RAI14: variants seen among roughly 807,000 people sequenced by gnomAD.
The protein encoded by RAI14 is retinoic acid induced 14.
RAI14 carries 45 observed loss-of-function variants against 115.4 expected under a neutral mutation model. The observed-to-expected ratio is 0.39, with a 90% CI of 0.31 to 0.50. RAI14 has a LOEUF of 0.50. Ranked by LOEUF, RAI14 falls within the 20% of genes least tolerant of loss-of-function variation. The pLI, the probability that RAI14 is intolerant of heterozygous loss-of-function variation, is 0.85. For missense variants in RAI14, 939 were observed against 1,131.2 expected (o/e 0.83, Z 2.44); for synonymous variants, 371 against 415.4 (o/e 0.89, Z 1.30).
At chr5:34,660,834 A>G (rs533466376) in intron 1 of RAI14, among the ~76,000 whole-genome samples, 90 of 148,856 alleles carry the variant, frequency 6.0e-4, no homozygotes, top group Non-Finnish European at 1.0e-3. Context: ...TGCAATCATC[A>G]TGCTCGTGAA....
At chr5:34,758,953 T>G in intron 3 of RAI14, among the ~76,000 whole-genome samples, 1 of 152,128 alleles carries the variant, frequency 6.6e-6, no homozygotes, top group African/African-American at 2.4e-5. Context: ...CTGTCCCTTA[T>G]CTCCTCTCCC....
Position 34,660,039 on chromosome 5 carries a change from G to A in RAI14, c.-49+3564G>A, listed in dbSNP as rs187046036. ...CAAAAAATACAAAAATTAGCTGGGT[G>A]TGGTGGTGTGCCTGTGGTCCTAGCT... On this transcript the variant is annotated intron_variant, in intron 1 of 17. Coordinates refer to ENST00000265109, the MANE Select transcript of RAI14 (RefSeq NM_015577.3). 3.8e-3 allele frequency among the ~76,000 whole-genome samples: 585 copies of A among 152,214 alleles called. 3 individuals are homozygous for A. Among genetic ancestry groups the A allele is most frequent in the Middle Eastern group, 0.01 (3 of 294 alleles).
chr5:34,809,139 T>G (rs1755278896), intron 7 of RAI14, among the ~76,000 whole-genome samples: 3 of 152,186 alleles, frequency 2.0e-5, no homozygotes, highest in Admixed American at 2.0e-4. Context: ...CTCTTAACCC[T>G]TTTCCCATTT....
At chr5:34,799,497 C>CACAG (rs1554007026) in intron 4 of RAI14, among the ~76,000 whole-genome samples, 1 of 50,186 alleles carries the variant, frequency 2.0e-5, no homozygotes, top group East Asian at 3.1e-4. Flanking sequence ...CACACAGACA[C>CACAG]ACACACACAC....
rs199515102 is a variant in RAI14 at position 34,814,641 on chromosome 5, C to T, written c.911C>T (p.Ser304Leu). The T allele has an allele frequency of 4.1e-5, 66 of 1,613,220 alleles. No individual in the cohort carries two copies. In the East Asian group the frequency reaches 4.5e-4, roughly 11 times the overall value. The change falls in exon 12 of 18, where the codon TCG becomes TTG. Residue 304 changes from serine to leucine, a missense_variant. Coordinates refer to ENST00000265109, the MANE Select transcript of RAI14 (RefSeq NM_015577.3). ...ITSTPLSGKE[S>L]VFFAEPPFKA... ...TCGACTCCACTATCGGGAAAGGAAT[C>T]GGTATTTTTTGCTGAACCACCCTTC...
chr5:34,756,359 C>T (rs11743819), intron 2 of RAI14, among the ~76,000 whole-genome samples: 9,384 of 152,182 alleles, frequency 0.062, 393 homozygotes, highest in Middle Eastern at 0.15. Flanking sequence ...ATACGAAATA[C>T]CTGGAGGTTC....
chr5:34,826,492 G>A lies in RAI14; in HGVS notation c.2799+13G>A. The A allele has an allele frequency of 1.2e-6, 2 of 1,610,952 alleles. No individual in the cohort carries two copies. Among genetic ancestry groups the A allele is most frequent in the Non-Finnish European group, 8.5e-7 (1 of 1,178,146 alleles). On this transcript the variant is annotated intron_variant, in intron 16 of 17. Coordinates refer to ENST00000265109, the MANE Select transcript of RAI14 (RefSeq NM_015577.3). The stretch of plus-strand genomic sequence containing the variant: ...GAACCAGCTGGCGGTGAGTGGGCTT[G>A]TTTCTGCTGCCTGGTTTGGGGTGGA...
At chr5:34,658,432 C>T (rs1004257184) in intron 1 of RAI14, among the ~76,000 whole-genome samples, 1 of 152,122 alleles carries the variant, frequency 6.6e-6, no homozygotes, top group Non-Finnish European at 1.5e-5. Flanking sequence ...ATGCAGTGGA[C>T]AACTTTTGCC....
chr5:34,745,560 C>G (rs1408443308), intron 2 of RAI14, among the ~76,000 whole-genome samples: 1 of 152,188 alleles, frequency 6.6e-6, no homozygotes, highest in African/African-American at 2.4e-5. Flanking sequence ...TGCAGGTACT[C>G]TCTCACTGCC....
At chr5:34,807,433 A>G (rs1377073359) in intron 5 of RAI14, among the ~76,000 whole-genome samples, 3 of 152,112 alleles carry the variant, frequency 2.0e-5, no homozygotes, top group Admixed American at 1.3e-4. Context: ...CGTGGACTGC[A>G]TGTGGGTAAT....
intron 2 of RAI14, among the ~76,000 whole-genome samples, chr5:34,701,668 C>A (rs1740090296): frequency 6.6e-6 from 1 of 152,154 alleles, no homozygotes; most frequent in Admixed American, 6.5e-5. Flanking sequence ...TGTCTCATGC[C>A]TCTCTAAAAT....
chr5:34,720,696 C>T (rs1363605382), intron 2 of RAI14, among the ~76,000 whole-genome samples: 1 of 151,974 alleles, frequency 6.6e-6, no homozygotes, highest in African/African-American at 2.4e-5. Flanking sequence ...AGGCGTGAGC[C>T]ACCGCGCCCG....
At chr5:34,802,177 T>C (rs1404685144) in intron 4 of RAI14, among the ~76,000 whole-genome samples, 2 of 152,214 alleles carry the variant, frequency 1.3e-5, no homozygotes, top group Admixed American at 6.5e-5. Flanking sequence ...CTCTAGTGGA[T>C]AGAGGCCAGC....
chr5:34,666,236 C>T (rs1226599742), intron 1 of RAI14, among the ~76,000 whole-genome samples: 1 of 151,846 alleles, frequency 6.6e-6, no homozygotes, highest in Non-Finnish European at 1.5e-5. Flanking sequence ...TACTCCTAGG[C>T]TCACAGTAGG....
intron 3 of RAI14, among the ~76,000 whole-genome samples, chr5:34,778,442 C>G (rs1252123241): frequency 2.6e-5 from 4 of 152,196 alleles, no homozygotes; most frequent in Non-Finnish European, 5.9e-5. Context: ...CGCCTGTAAT[C>G]CCAACACTTT....
intron 3 of RAI14, among the ~76,000 whole-genome samples, chr5:34,767,156 C>A: frequency 6.6e-6 from 1 of 152,164 alleles, no homozygotes; most frequent in East Asian, 1.9e-4. Flanking sequence ...AAGATCACAG[C>A]ATTTTTCATT....
chr5:34,829,024 A>G (rs958385351), intron 16 of RAI14, among the ~76,000 whole-genome samples: 6 of 152,192 alleles, frequency 3.9e-5, no homozygotes, highest in Non-Finnish European at 7.3e-5. Flanking sequence ...CCATAATTCA[A>G]TAACTCTGAG....
chr5:34,694,053 T>C (rs1027704548), intron 2 of RAI14, among the ~76,000 whole-genome samples: 2 of 152,226 alleles, frequency 1.3e-5, no homozygotes, highest in African/African-American at 4.8e-5. Context: ...AGCTTTATTC[T>C]ATTTACCCCA....
chr5:34,664,381 C>A (rs1179726156), intron 1 of RAI14, among the ~76,000 whole-genome samples: 2 of 144,850 alleles, frequency 1.4e-5, no homozygotes, highest in Non-Finnish European at 3.0e-5. Context: ...CACACCACTG[C>A]ACTCCAGCCT....
Sources: allele counts gnomAD v4.1 joint callset (sites outside exome capture counted in the v4.1 genomes callset), GRCh38; gene constraint gnomAD v4.1.1; transcripts MANE v1.5; gene names NCBI Gene and HGNC (gene_info 2026-07-23, HGNC 2026-07-21).